PCDHGA5: variants seen among roughly 807,000 people sequenced by gnomAD.
PCDHGA5 encodes protocadherin gamma subfamily A, 5.
In PCDHGA5, 36 loss-of-function variants were observed where a neutral mutation model predicts 56.7. The observed-to-expected ratio is 0.64, with a 90% CI of 0.49 to 0.84. The LOEUF (loss-of-function observed/expected upper bound fraction) is 0.84, where lower values mean the gene tolerates loss of function less well. Among genes scored for constraint, PCDHGA5 ranks in the 40% least tolerant of loss-of-function variants. The probability of loss-of-function intolerance (pLI) is 0.00; values close to 1 mark genes in which losing one functional copy is unlikely to be tolerated. For missense variants in PCDHGA5, 1,305 were observed against 1,201.5 expected (o/e 1.09, Z -1.27); for synonymous variants, 563 against 520.2 (o/e 1.08, Z -1.12).
intron 1 of PCDHGA5, chr5:141,376,853 A>C (rs188570810): frequency 0.022 from 4,983 of 229,694 alleles, 85 homozygotes; most frequent in East Asian, 0.036. Flanking sequence ...CGCCCGGCTA[A>C]TTTTTTTGTA....
At chr5:141,395,522 A>T in intron 1 of PCDHGA5, 1 of 398,214 alleles carries the variant, frequency 2.5e-6, no homozygotes. Flanking sequence ...ACCCGTCCAT[A>T]CTGGTAATTT....
In PCDHGA5 at chr5:141,418,344, T is replaced by C. The variant is rs746519142; in HGVS notation, c.2421+51593T>C. On this transcript the variant is annotated intron_variant, in intron 1 of 3. Transcript: ENST00000518069. ...CTTGAGTCTGCAGAAGATCCTGATA[T>C]TAGTATGAATTCGCTGAGCAAATAC... 4.3e-6 allele frequency: 7 copies of C among 1,613,890 alleles called. No individual in the cohort carries two copies. The highest frequency in any genetic ancestry group is 2.2e-5 in the South Asian group (2 of 91,086).
chr5:141,369,477 G>A (rs372546289), intron 1 of PCDHGA5, among the ~76,000 whole-genome samples: 20 of 151,976 alleles, frequency 1.3e-4, no homozygotes, highest in East Asian at 5.8e-4. Flanking sequence ...GCCCAGCCTG[G>A]GCAACATAGT....
chr5:141,381,826 C>CTTCTTTTTTTTTTTTTT (rs1777532522), intron 1 of PCDHGA5, among the ~76,000 whole-genome samples: 2 of 74,284 alleles, frequency 2.7e-5, no homozygotes, highest in African/African-American at 1.2e-4. Flanking sequence ...CTTTCTTCTT[C>CTTCTTTTTTTTTTTTTT]TTTTTTTTTT....
At chr5:141,474,062 C>A (rs745636246) in intron 1 of PCDHGA5, among the ~76,000 whole-genome samples, 2 of 152,104 alleles carry the variant, frequency 1.3e-5, no homozygotes, top group Non-Finnish European at 2.9e-5. Context: ...AGAGCGAGAT[C>A]CTGCCTCAGA....
In PCDHGA5 at chr5:141,489,993, C is replaced by T. The variant is rs1413894892; in HGVS notation, c.2422-4814C>T. 18 of 1,614,186 alleles carry T rather than the reference C, an allele frequency of 1.1e-5. No individual in the cohort carries two copies. The highest frequency in any genetic ancestry group is 1.5e-5 in the Non-Finnish European group (18 of 1,179,990). On this transcript the variant is annotated intron_variant, in intron 1 of 3. Transcript: ENST00000518069. The surrounding 1 kb of genome is among the most constrained non-coding windows in gnomAD (Gnocchi z 4.5). ...AATCCTCAGTTCTACGTGTGGGAAT[C>T]CCAGAGAATGCACCCATTGGTACTC...
At chr5:141,451,640 G>A (rs2098720679) in intron 1 of PCDHGA5, among the ~76,000 whole-genome samples, 1 of 152,166 alleles carries the variant, frequency 6.6e-6, no homozygotes, top group South Asian at 2.1e-4. Context: ...CCAGCACTCT[G>A]AGAGGCCAAG....
At chr5:141,414,557 A>G (rs749209012) in intron 1 of PCDHGA5, 21 of 1,613,786 alleles carry the variant, frequency 1.3e-5, no homozygotes, top group Non-Finnish European at 1.8e-5. Context: ...CAAGTCTCCT[A>G]CTTTACCTAT....
rs776258973 is a variant in PCDHGA5, at chr5:141,489,877, A to G, written c.2422-4930A>G. 1.2e-6 allele frequency: 2 copies of G among 1,614,230 alleles called. No individual in the cohort carries two copies. The highest frequency in any genetic ancestry group is 2.2e-5 in the South Asian group (2 of 91,090). Reference sequence around the variant, plus strand: ...CCAGGCAAGACATCAGCTGGTGCTTACTGCTGTGGATGGGGGGACCCCAGC... The same window carrying G: ...CCAGGCAAGACATCAGCTGGTGCTTGCTGCTGTGGATGGGGGGACCCCAGC... On this transcript the variant is annotated intron_variant, in intron 1 of 3. Coordinates refer to ENST00000518069, the MANE Select transcript of PCDHGA5 (RefSeq NM_018918.3). This position sits in a 1 kb window ranked among gnomAD's most constrained non-coding sequence, Gnocchi z 4.5.
chr5:141,431,460 A>T lies in PCDHGA5; in HGVS notation c.2422-63347A>T, dbSNP rs761879594. On this transcript the variant is annotated intron_variant, in intron 1 of 3. Transcript: ENST00000518069. This position sits in a 1 kb window ranked among gnomAD's most constrained non-coding sequence, Gnocchi z 4.8. The stretch of plus-strand genomic sequence containing the variant: ...GCGCGCATCCGCGTGATGGTTCTGG[A>T]TGCGAACGACAACGCACCAGCGTTT... The T allele has an allele frequency of 6.2e-7, 1 of 1,613,794 alleles. No individual in the cohort carries two copies. The highest frequency in any genetic ancestry group is 1.7e-5 in the Admixed American group (1 of 60,032).
chr5:141,376,604 C>T (rs1772886423), intron 1 of PCDHGA5: 4 of 1,509,582 alleles, frequency 2.6e-6, no homozygotes, highest in Non-Finnish European at 3.6e-6. Context: ...GTTATAGAAG[C>T]GAACCTCTTT....
At chr5:141,456,352 C>T (rs1253586137) in intron 1 of PCDHGA5, among the ~76,000 whole-genome samples, 1 of 152,050 alleles carries the variant, frequency 6.6e-6, no homozygotes, top group Non-Finnish European at 1.5e-5. Flanking sequence ...GGAAGAATGG[C>T]GTCCATGTGT....
Position 141,365,782 on chromosome 5 carries a change from C to G in PCDHGA5, c.1452C>G (p.Asn484Lys). The G allele has an allele frequency of 6.2e-7, 1 of 1,613,910 alleles. No homozygotes were observed. Among genetic ancestry groups the G allele is most frequent in the Non-Finnish European group, 8.5e-7 (1 of 1,179,894 alleles). Residue 484 changes from asparagine (N) to lysine (K), a missense_variant, in exon 1 of 4, where the codon AAC becomes AAG. By Grantham distance (94) the Asn-to-Lys change is moderately conservative (BLOSUM62 0). Coordinates refer to ENST00000518069, the MANE Select transcript of PCDHGA5 (RefSeq NM_018918.3). ...VTAHDPDSGD[N>K]ARVTYSLAED... ...CCCATGACCCCGACAGCGGCGACAACGCTCGAGTCACCTACTCCCTGGCTG... is the reference window on the plus strand; with the variant it reads ...CCCATGACCCCGACAGCGGCGACAAGGCTCGAGTCACCTACTCCCTGGCTG...
At chr5:141,395,197 T>A in intron 1 of PCDHGA5, 1 of 1,614,012 alleles carries the variant, frequency 6.2e-7, no homozygotes, top group Non-Finnish European at 8.5e-7. Context: ...TTAACATCCG[T>A]AGATTTTCAT....
Position 141,404,841 on chromosome 5 carries a change from G to A in PCDHGA5, c.2421+38090G>A, listed in dbSNP as rs765291212. The stretch of plus-strand genomic sequence containing the variant: ...CACACAGGTGAAGTGCGCACAGCTC[G>A]GGCCCTGCTAGATAGAGATGCGCTC... On this transcript the variant is annotated intron_variant, in intron 1 of 3. Coordinates refer to ENST00000518069, the MANE Select transcript of PCDHGA5 (RefSeq NM_018918.3). 1.1e-5 allele frequency: 17 copies of A among 1,613,886 alleles called. No individual in the cohort carries two copies. Among genetic ancestry groups the A allele is most frequent in the Non-Finnish European group, 1.4e-5 (16 of 1,179,920 alleles).
intron 1 of PCDHGA5, among the ~76,000 whole-genome samples, chr5:141,472,611 G>T (rs1055885253): frequency 1.3e-5 from 2 of 151,938 alleles, no homozygotes; most frequent in South Asian, 4.1e-4. Context: ...ATAAAACAAA[G>T]AAGAAAAAAG....
chr5:141,442,006 G>A (rs540427406), intron 1 of PCDHGA5: 77 of 229,074 alleles, frequency 3.4e-4, no homozygotes, highest in African/African-American at 1.6e-3. Context: ...CTGACAGCTC[G>A]CACGATGGGC....
In PCDHGA5 at chr5:141,364,376, C is replaced by T. The variant is rs574883395; in HGVS notation, c.46C>T (p.Pro16Ser). 8.9e-6 allele frequency: 14 copies of T among 1,575,320 alleles called. No individual in the cohort carries two copies. The African/African-American group carries it at 1.4e-4, about 15-fold the overall frequency. ...CTGGGGCTGCGGAGAGCTGCTGCTG[C>T]CCTTCATGCTCCTGGGGACGCTGTG... ...RGWGCGELLL[P>S]FMLLGTLCEP... The change falls in exon 1 of 4, where the codon CCC becomes TCC. Residue 16 changes from proline (P) to serine (S), a missense_variant. Pro to Ser is a moderately conservative substitution (Grantham distance 74). Transcript: ENST00000518069.
At chr5:141,462,271 G>C (rs2099036316) in intron 1 of PCDHGA5, among the ~76,000 whole-genome samples, 1 of 152,174 alleles carries the variant, frequency 6.6e-6, no homozygotes, top group African/African-American at 2.4e-5. Context: ...AAAGTGTATT[G>C]TTTAGTCACC....
Sources: allele counts gnomAD v4.1 joint callset (sites outside exome capture counted in the v4.1 genomes callset), GRCh38; gene constraint gnomAD v4.1.1; non-coding constraint Gnocchi (gnomAD v3.1); transcripts MANE v1.5; gene names NCBI Gene and HGNC (gene_info 2026-07-23, HGNC 2026-07-21).